The following L3MBTL4 variants were observed in gnomAD, a reference collection of about 807,000 sequenced individuals.
The protein encoded by L3MBTL4 is lethal(3)malignant brain tumor-like protein 4.
A neutral mutation model predicts 84.5 loss-of-function variants in L3MBTL4; 70 were observed. The ratio of observed to expected loss-of-function variants is 0.83; its 90% CI spans 0.68 to 1.01. The LOEUF (loss-of-function observed/expected upper bound fraction) is 1.01, where lower values mean the gene tolerates loss of function less well. Among genes scored for constraint, L3MBTL4 ranks in the 50% least tolerant of loss-of-function variants. L3MBTL4 has a pLI of 0.00. For synonymous variants in L3MBTL4, 274 were observed against 259.8 expected (o/e 1.05, Z -0.52); for missense variants, 715 against 754.8 (o/e 0.95, Z 0.62).
At chr18:6,276,436 C>T (rs2049081199) in intron 4 of L3MBTL4, among the ~76,000 whole-genome samples, 1 of 152,018 alleles carries the variant, frequency 6.6e-6, no homozygotes, top group Non-Finnish European at 1.5e-5. Context: ...TGGTTCTTGC[C>T]CCTAAAGAGC....
At chr18:6,194,733 G>A (rs1356938304) in intron 12 of L3MBTL4, among the ~76,000 whole-genome samples, 8 of 152,212 alleles carry the variant, frequency 5.3e-5, no homozygotes, top group South Asian at 4.1e-4. Flanking sequence ...CTGGAGTACA[G>A]ACAAGAAACC....
intron 1 of L3MBTL4, among the ~76,000 whole-genome samples, chr18:6,382,302 G>A (rs1362708727): frequency 6.6e-6 from 1 of 152,146 alleles, no homozygotes; most frequent in Non-Finnish European, 1.5e-5. Context: ...AGAGGAGTTT[G>A]TTATTACCCA....
chr18:6,249,828 T>C (rs968125948), intron 5 of L3MBTL4, among the ~76,000 whole-genome samples: 3 of 152,208 alleles, frequency 2.0e-5, no homozygotes, highest in Admixed American at 6.5e-5. Context: ...AATTCAGTCA[T>C]AAAAAATTAT....
intron 16 of L3MBTL4, among the ~76,000 whole-genome samples, chr18:6,039,066 T>C (rs1422687577): frequency 1.3e-5 from 2 of 151,290 alleles, no homozygotes; most frequent in Non-Finnish European, 2.9e-5. Flanking sequence ...GCCCCATGCA[T>C]ACACATACAA....
At chr18:6,185,408 A>T (rs1027491660) in intron 12 of L3MBTL4, among the ~76,000 whole-genome samples, 14 of 152,170 alleles carry the variant, frequency 9.2e-5, no homozygotes, top group Non-Finnish European at 1.6e-4. Context: ...AATGAGAAGT[A>T]GCCAAAGGAC....
intron 16 of L3MBTL4, among the ~76,000 whole-genome samples, chr18:6,015,307 G>A (rs1456174907): frequency 6.6e-6 from 1 of 151,974 alleles, no homozygotes; most frequent in African/African-American, 2.4e-5. Context: ...AGAAGAAGGG[G>A]CGGTTATGTG....
chr18:6,008,652 C>T (rs1206535782), intron 16 of L3MBTL4, among the ~76,000 whole-genome samples: 1 of 152,138 alleles, frequency 6.6e-6, no homozygotes, highest in African/African-American at 2.4e-5. Flanking sequence ...TCCTGAAGGC[C>T]CCACTTCCTA....
rs752700059 is a variant in L3MBTL4 at position 6,244,541 on chromosome 18, T to C, written c.267A>G (p.Arg89=). The C allele has an allele frequency of 1.9e-6, 3 of 1,613,938 alleles. No homozygotes were observed. The highest frequency in any genetic ancestry group is 2.7e-5 in the African/African-American group (2 of 74,952). The change falls in exon 6 of 19, where the codon AGA becomes AGG. Residue 89 remains arginine (R), a synonymous_variant. Transcript: ENST00000317931. The part of the protein sequence containing the change: ...EHENGFQIGM[R]LEGIDPRHPS... ...GATGTCGGGGATCAATGCCTTCTAA[T>C]CTCATTCCAATCTGAAAACCATTTT... is the stretch of plus-strand genomic sequence containing the variant.
At chr18:6,146,175 G>T (rs9957310) in intron 13 of L3MBTL4, among the ~76,000 whole-genome samples, 2 of 152,238 alleles carry the variant, frequency 1.3e-5, no homozygotes, top group African/African-American at 4.8e-5. Context: ...CAAGCACTGC[G>T]TGGAGAGGGG....
At chr18:6,039,266 A>C (rs972682346) in intron 16 of L3MBTL4, among the ~76,000 whole-genome samples, 1 of 152,144 alleles carries the variant, frequency 6.6e-6, no homozygotes, top group Non-Finnish European at 1.5e-5. Flanking sequence ...GAGCTGACTA[A>C]TACAGTTGCT....
intron 15 of L3MBTL4, among the ~76,000 whole-genome samples, chr18:6,087,783 AGACATG>A (rs1403804090): frequency 1.3e-5 from 2 of 152,184 alleles, no homozygotes; most frequent in African/African-American, 4.8e-5. Flanking sequence ...AATGGAGAAA[AGACATG>A]GAACTATTAT....
At chr18:6,369,063 A>C in intron 1 of L3MBTL4, among the ~76,000 whole-genome samples, 1 of 151,306 alleles carries the variant, frequency 6.6e-6, no homozygotes, top group Non-Finnish European at 1.5e-5. Flanking sequence ...AAAAAAAAAA[A>C]GTCAATGCCT....
At chr18:6,276,504 A>C (rs2049083465) in intron 4 of L3MBTL4, among the ~76,000 whole-genome samples, 1 of 152,196 alleles carries the variant, frequency 6.6e-6, no homozygotes. Flanking sequence ...AATTGCAAAC[A>C]TATGAGCTAA....
In L3MBTL4 at chr18:6,398,764, GA is replaced by G. The variant is rs968566894; in HGVS notation, c.-91+16036del. On this transcript the variant is annotated intron_variant, in intron 1 of 18. Transcript: ENST00000317931. ...ATTGCGGGGGGGCGGGGGCGGGGGA[GA>G]AAAAAAAAGAAGACTCAAACTCCCA... Among the ~76,000 whole-genome samples the G allele has an allele frequency of 9.6e-5, 14 of 145,522 alleles. 1 individual carries two copies. The highest frequency in any genetic ancestry group is 2.3e-4 in the South Asian group (1 of 4,386).
intron 12 of L3MBTL4, among the ~76,000 whole-genome samples, chr18:6,212,670 A>G (rs2145790623): frequency 6.6e-6 from 1 of 152,350 alleles, no homozygotes; most frequent in South Asian, 2.1e-4. Context: ...TTTAATAACA[A>G]TGATTTCAAG....
intron 14 of L3MBTL4, among the ~76,000 whole-genome samples, chr18:6,122,552 C>T (rs1403031309): frequency 6.6e-6 from 1 of 152,220 alleles, no homozygotes; most frequent in Non-Finnish European, 1.5e-5. Context: ...CCATGTAAGA[C>T]ATGACTTGCT....
chr18:6,109,296 C>G (rs2059115072), intron 14 of L3MBTL4, among the ~76,000 whole-genome samples: 1 of 152,076 alleles, frequency 6.6e-6, no homozygotes, highest in South Asian at 2.1e-4. Flanking sequence ...CTGTTTCCTT[C>G]TGATTTTATT....
intron 14 of L3MBTL4, among the ~76,000 whole-genome samples, chr18:6,110,667 G>A (rs1051026902): frequency 2.0e-5 from 3 of 151,908 alleles, no homozygotes; most frequent in African/African-American, 4.8e-5. Flanking sequence ...TTTGCAGGTG[G>A]TTGTACATGT....
intron 1 of L3MBTL4, among the ~76,000 whole-genome samples, chr18:6,369,710 C>T (rs1003736666): frequency 6.6e-6 from 1 of 152,150 alleles, no homozygotes; most frequent in Non-Finnish European, 1.5e-5. Context: ...CCTGGGATGA[C>T]ATTCACAGGA....
Sources: allele counts gnomAD v4.1 joint callset (sites outside exome capture counted in the v4.1 genomes callset), GRCh38; gene constraint gnomAD v4.1.1; transcripts MANE v1.5; gene names NCBI Gene and HGNC (gene_info 2026-07-23, HGNC 2026-07-21).